The following PTPRN2 variants were observed in gnomAD, a reference collection of about 807,000 sequenced individuals.
PTPRN2 encodes the protein protein tyrosine phosphatase receptor type N2, also known as receptor-type tyrosine-protein phosphatase N2.
Under a neutral mutation model 118.8 loss-of-function variants are expected in PTPRN2, and 74 were observed. That is an observed-to-expected ratio of 0.62 (90% CI 0.52 to 0.76). The LOEUF (loss-of-function observed/expected upper bound fraction) is 0.76, where lower values mean the gene tolerates loss of function less well. PTPRN2 is among the 30% of genes least tolerant of loss of function. The pLI, the probability that PTPRN2 is intolerant of heterozygous loss-of-function variation, is 0.00. For synonymous variants in PTPRN2, 641 were observed against 608.0 expected (o/e 1.05, Z -0.80); for missense variants, 1,481 against 1,394.4 (o/e 1.06, Z -0.99).
intron 12 of PTPRN2, among the ~76,000 whole-genome samples, chr7:157,753,270 G>C (rs1764920061): frequency 6.6e-6 from 1 of 152,204 alleles, no homozygotes; most frequent in African/African-American, 2.4e-5. Flanking sequence ...AGACGGTGCT[G>C]TTCCCTGGCC....
intron 1 of PTPRN2, among the ~76,000 whole-genome samples, chr7:158,577,142 A>G (rs1379859373): frequency 6.1e-5 from 8 of 131,100 alleles, no homozygotes; most frequent in African/African-American, 2.5e-4. Flanking sequence ...TGAATGCCAC[A>G]GACAGCATGG....
chr7:157,680,560 A>G (rs940884313), intron 13 of PTPRN2, among the ~76,000 whole-genome samples: 4 of 152,236 alleles, frequency 2.6e-5, no homozygotes, highest in East Asian at 1.9e-4. Context: ...AAAGTGAACA[A>G]TCATACAGTC....
chr7:157,539,947 G>A lies in PTPRN2; in HGVS notation c.*767C>T, dbSNP rs554100670. On this transcript the variant is annotated 3_prime_UTR_variant, in exon 23 of 23. Coordinates refer to ENST00000389418, the MANE Select transcript of PTPRN2 (RefSeq NM_002847.5). ...TCACGGGGGCATCTGTTTTCATAACGTAGAAATCAATATTTTAACATTAAA... is the reference window on the plus strand; with the variant it reads ...TCACGGGGGCATCTGTTTTCATAACATAGAAATCAATATTTTAACATTAAA... 13 of 152,340 alleles carry A rather than the reference G, an allele frequency of 8.5e-5. No homozygotes were observed. Among genetic ancestry groups the A allele is most frequent in the Middle Eastern group, 3.4e-3 (1 of 294 alleles). 9.4% of individuals were successfully genotyped at this position (152,340 alleles called of 1,614,324 possible).
At chr7:158,306,861 T>TTTG (rs1801332559) in intron 3 of PTPRN2, among the ~76,000 whole-genome samples, 1 of 139,492 alleles carries the variant, frequency 7.2e-6, no homozygotes, top group African/African-American at 3.0e-5. Context: ...TTTTGTTTTT[T>TTTG]TTTTTTTTTT....
intron 3 of PTPRN2, among the ~76,000 whole-genome samples, chr7:158,228,892 G>A (rs1585908939): frequency 1.3e-5 from 2 of 152,092 alleles, no homozygotes; most frequent in Admixed American, 6.5e-5. Context: ...AGGACAGCCA[G>A]AGATAAAAGG....
chr7:157,551,349 A>G (rs1798586914), intron 21 of PTPRN2, among the ~76,000 whole-genome samples: 1 of 152,062 alleles, frequency 6.6e-6, no homozygotes, highest in Admixed American at 6.5e-5. Flanking sequence ...CTGTAGGCAG[A>G]AGGATAAATA....
chr7:158,401,241 G>A (rs1043061393), intron 2 of PTPRN2, among the ~76,000 whole-genome samples: 1 of 152,242 alleles, frequency 6.6e-6, no homozygotes, highest in African/African-American at 2.4e-5. Flanking sequence ...AGCAAGGAAG[G>A]CTGTGTGTAT....
chr7:158,428,970 G>A (rs1476944930), intron 2 of PTPRN2, among the ~76,000 whole-genome samples: 1 of 152,228 alleles, frequency 6.6e-6, no homozygotes. Flanking sequence ...GAGGATTTAC[G>A]AGTTCCAGCT....
intron 2 of PTPRN2, among the ~76,000 whole-genome samples, chr7:158,376,568 C>A (rs1237519877): frequency 1.7e-5 from 1 of 58,724 alleles, no homozygotes; most frequent in South Asian, 9.3e-4. Flanking sequence ...ACATCCTGCA[C>A]GCGGGGTCAG....
intron 13 of PTPRN2, among the ~76,000 whole-genome samples, chr7:157,673,738 C>A (rs1182847362): frequency 6.6e-6 from 1 of 152,150 alleles, no homozygotes; most frequent in Admixed American, 6.5e-5. Context: ...TTGCCTTTTT[C>A]TTCCTCTCCC....
chr7:157,836,181 T>C (rs1201190283), intron 12 of PTPRN2, among the ~76,000 whole-genome samples: 3 of 152,224 alleles, frequency 2.0e-5, no homozygotes, highest in Non-Finnish European at 1.5e-5. Flanking sequence ...AAACCAATGA[T>C]AAGATGCTAT....
chr7:158,145,054 T>C (rs1189069596), intron 6 of PTPRN2, among the ~76,000 whole-genome samples: 4 of 94,410 alleles, frequency 4.2e-5, no homozygotes, highest in African/African-American at 9.0e-5. Context: ...CTCGGCAAGG[T>C]TTCCCTCACA....
chr7:157,774,307 C>T (rs949157798), intron 12 of PTPRN2, among the ~76,000 whole-genome samples: 5 of 152,250 alleles, frequency 3.3e-5, no homozygotes, highest in African/African-American at 1.2e-4. Flanking sequence ...TGTCTTTATA[C>T]AACAGGGCAA....
intron 2 of PTPRN2, among the ~76,000 whole-genome samples, chr7:158,416,115 T>C (rs1266963031): frequency 6.6e-6 from 1 of 152,218 alleles, no homozygotes; most frequent in African/African-American, 2.4e-5. Context: ...ACTGCACACC[T>C]GAACCATCCC....
chr7:157,923,894 G>C (rs1387444256), intron 11 of PTPRN2, among the ~76,000 whole-genome samples: 3 of 152,190 alleles, frequency 2.0e-5, no homozygotes, highest in African/African-American at 7.2e-5. Context: ...ATATCTACCT[G>C]TTCCTGAGCA....
intron 3 of PTPRN2, among the ~76,000 whole-genome samples, chr7:158,295,790 G>C (rs553501308): frequency 1.5e-5 from 2 of 131,068 alleles, no homozygotes; most frequent in African/African-American, 5.8e-5. Context: ...CGGTTCACCC[G>C]CCTTTCTGAG....
chr7:158,186,250 A>G (rs1825121006), intron 5 of PTPRN2, among the ~76,000 whole-genome samples: 1 of 152,056 alleles, frequency 6.6e-6, no homozygotes, highest in Admixed American at 6.5e-5. Flanking sequence ...GAATGGGTTC[A>G]TCCATCCCTT....
At chr7:157,921,628 G>A (rs1180725117) in intron 11 of PTPRN2, among the ~76,000 whole-genome samples, 1 of 152,222 alleles carries the variant, frequency 6.6e-6, no homozygotes, top group Non-Finnish European at 1.5e-5. Flanking sequence ...GAGGGCTGCT[G>A]TAAGGCGAGC....
chr7:157,759,358 G>A (rs1387810847), intron 12 of PTPRN2, among the ~76,000 whole-genome samples: 2 of 152,348 alleles, frequency 1.3e-5, no homozygotes, highest in African/African-American at 2.4e-5. Context: ...TGAGGAGCTG[G>A]GAGGCCCTGC....
Sources: allele counts gnomAD v4.1 joint callset (sites outside exome capture counted in the v4.1 genomes callset), GRCh38; gene constraint gnomAD v4.1.1; transcripts MANE v1.5; gene names NCBI Gene and HGNC (gene_info 2026-07-23, HGNC 2026-07-21).